Variants in NEDD9 observed in about 807,000 individuals in gnomAD.
NEDD9 encodes enhancer of filamentation 1.
In NEDD9, 26 loss-of-function variants were observed where a neutral mutation model predicts 76.6. That is an observed-to-expected ratio of 0.34 (90% CI 0.25 to 0.47). The LOEUF is 0.47. NEDD9 is among the 20% of genes least tolerant of loss of function. The pLI, the probability that NEDD9 is intolerant of heterozygous loss-of-function variation, is 1.00. For missense variants in NEDD9, 937 were observed against 1,058.5 expected (o/e 0.89, Z 1.59); for synonymous variants, 392 against 414.2 (o/e 0.95, Z 0.65).
chr6:11,319,471 C>CA (rs376279631), intron 2 of NEDD9, among the ~76,000 whole-genome samples: 21 of 150,454 alleles, frequency 1.4e-4, no homozygotes, highest in African/African-American at 5.1e-4. Flanking sequence ...GGTACACACT[C>CA]ACACTAACAA....
chr6:11,248,677 C>G (rs576441396), intron 3 of NEDD9, among the ~76,000 whole-genome samples: 1 of 152,294 alleles, frequency 6.6e-6, no homozygotes, highest in East Asian at 1.9e-4. Context: ...TGGCCTGACA[C>G]GTCCCCAAGG....
At chr6:11,238,165 G>T (rs553913976) in intron 3 of NEDD9, among the ~76,000 whole-genome samples, 42 of 152,238 alleles carry the variant, frequency 2.8e-4, no homozygotes, top group South Asian at 1.9e-3. Flanking sequence ...TTACAAGCAG[G>T]AGTCCATTTA....
intron 3 of NEDD9, among the ~76,000 whole-genome samples, chr6:11,244,598 T>C (rs1759773773): frequency 6.6e-6 from 1 of 152,182 alleles, no homozygotes; most frequent in Non-Finnish European, 1.5e-5. Flanking sequence ...ATAGAATACA[T>C]CCTCTTTTCT....
chr6:11,285,643 C>T (rs1056304587), intron 3 of NEDD9, among the ~76,000 whole-genome samples: 1 of 152,132 alleles, frequency 6.6e-6, no homozygotes, highest in South Asian at 2.1e-4. Context: ...CTATACTAAT[C>T]AAGACAATGT....
chr6:11,214,582 T>C (rs1758889782), intron 1 of NEDD9, among the ~76,000 whole-genome samples: 1 of 152,206 alleles, frequency 6.6e-6, no homozygotes, highest in South Asian at 2.1e-4. Flanking sequence ...GCACATTCAG[T>C]ACTAAGCAGA....
intron 2 of NEDD9, among the ~76,000 whole-genome samples, chr6:11,322,462 A>G (rs1470895022): frequency 6.6e-6 from 1 of 152,188 alleles, no homozygotes; most frequent in Non-Finnish European, 1.5e-5. Context: ...GGAGAGGTCA[A>G]GGGGCATCTC....
chr6:11,310,143 G>A (rs1761323965), intron 2 of NEDD9, among the ~76,000 whole-genome samples: 2 of 152,170 alleles, frequency 1.3e-5, no homozygotes, highest in Non-Finnish European at 2.9e-5. Flanking sequence ...CAGGACCACT[G>A]CAGAGGAGGG....
chr6:11,377,343 G>A (rs1762985269), intron 1 of NEDD9, among the ~76,000 whole-genome samples: 1 of 152,262 alleles, frequency 6.6e-6, no homozygotes, highest in Non-Finnish European at 1.5e-5. Context: ...AAACCCATGA[G>A]AGCAGCCATG....
intron 1 of NEDD9, among the ~76,000 whole-genome samples, chr6:11,341,853 C>G (rs1008236021): frequency 1.3e-5 from 2 of 152,048 alleles, no homozygotes; most frequent in Non-Finnish European, 2.9e-5. Context: ...AGGAACTATT[C>G]TAAGATGGAC....
chr6:11,291,270 T>G (rs997873671), intron 3 of NEDD9, among the ~76,000 whole-genome samples: 4 of 134,964 alleles, frequency 3.0e-5, no homozygotes, highest in Admixed American at 1.4e-4. Flanking sequence ...GAATGAGGTT[T>G]TTTTTTTTTT....
In NEDD9 at chr6:11,191,164, C is replaced by A. The variant is rs1239130779; in HGVS notation, c.705G>T (p.Gly235=). Residue 235 remains glycine, a synonymous_variant, in exon 5 of 7, where the codon GGG becomes GGT. Transcript: ENST00000379446. ...GGAAGTCATAGTCTTTTTCCCTAAG[C>A]CCTGCTTCATCCCGGCAAGCAGAGG... is the stretch of plus-strand genomic sequence containing the variant. ...IPPSACRDEA[G]LREKDYDFPP... 3 of 1,611,594 alleles carry A rather than the reference C, an allele frequency of 1.9e-6. No individual in the cohort carries two copies. Among genetic ancestry groups the A allele is most frequent in the Admixed American group, 1.7e-5 (1 of 59,642 alleles).
intron 2 of NEDD9, among the ~76,000 whole-genome samples, chr6:11,323,639 C>T (rs1283203758): frequency 6.6e-6 from 1 of 152,192 alleles, no homozygotes; most frequent in Non-Finnish European, 1.5e-5. Context: ...TGTCTGGCCC[C>T]AAATGTTCAT....
At chr6:11,318,650 C>G (rs1333561849) in intron 2 of NEDD9, among the ~76,000 whole-genome samples, 2 of 152,124 alleles carry the variant, frequency 1.3e-5, no homozygotes, top group East Asian at 3.9e-4. Context: ...TACTCAGAGA[C>G]TTGGCAGCTT....
intron 2 of NEDD9, among the ~76,000 whole-genome samples, chr6:11,324,391 T>C (rs1002879118): frequency 2.0e-5 from 3 of 152,122 alleles, no homozygotes; most frequent in African/African-American, 7.2e-5. Flanking sequence ...TGGTGTTCCT[T>C]CTCAGTGCAC....
In NEDD9 at chr6:11,192,424, G is replaced by A. The variant is rs777276745; in HGVS notation, c.584C>T (p.Ser195Leu). ...TQGVYDIPPSSAKGPVFSVPV... is the reference protein window; with the variant it reads ...TQGVYDIPPSLAKGPVFSVPV... ...AACTGAAAACACAGGGCCTTTTGCT[G>A]ATGAGGGAGGGATGTCGTATACCTG... is the stretch of plus-strand genomic sequence containing the variant. Residue 195 changes from serine to leucine, a missense_variant, in exon 4 of 7, where the codon TCA becomes TTA. Physicochemically the swap from Ser to Leu is moderately radical, Grantham distance 145. Coordinates refer to ENST00000379446, the MANE Select transcript of NEDD9 (RefSeq NM_006403.4). The A allele has an allele frequency of 5.0e-6, 8 of 1,611,048 alleles. 1 individual carries two copies. The highest frequency in any genetic ancestry group is 2.7e-5 in the African/African-American group (2 of 74,824).
intron 3 of NEDD9, among the ~76,000 whole-genome samples, chr6:11,275,987 A>G (rs760326298): frequency 3.9e-5 from 6 of 152,222 alleles, no homozygotes; most frequent in African/African-American, 1.4e-4. Flanking sequence ...GATAATCACT[A>G]CTTTAAAGTG....
chr6:11,189,865 C>T, intron 5 of NEDD9, 99 bp downstream of exon 5: 1 of 1,379,844 alleles, frequency 7.2e-7, no homozygotes, highest in Non-Finnish European at 9.7e-7. Flanking sequence ...TAATTATGTT[C>T]TCTCCTTTGG....
At chr6:11,359,377 A>G (rs1762637240) in intron 1 of NEDD9, among the ~76,000 whole-genome samples, 1 of 152,256 alleles carries the variant, frequency 6.6e-6, no homozygotes, top group Non-Finnish European at 1.5e-5. Context: ...GATTTCTCTG[A>G]GTAAGAGGAT....
At chr6:11,362,236 G>A (rs7768351) in intron 1 of NEDD9, among the ~76,000 whole-genome samples, 107,037 of 152,156 alleles carry the variant, frequency 0.7, 38,387 homozygotes, top group African/African-American at 0.82. Flanking sequence ...GCAACCCAGA[G>A]GAGGGCCTCA....
Sources: allele counts gnomAD v4.1 joint callset (sites outside exome capture counted in the v4.1 genomes callset), GRCh38; gene constraint gnomAD v4.1.1; transcripts MANE v1.5; gene names NCBI Gene and HGNC (gene_info 2026-07-23, HGNC 2026-07-21).